Variants in SIN3B observed in about 807,000 individuals in gnomAD.
SIN3B encodes SIN3 transcription regulator family member B.
A neutral mutation model predicts 120.2 loss-of-function variants in SIN3B; 19 were observed. That is an observed-to-expected ratio of 0.16 (90% CI 0.11 to 0.23). The LOEUF is 0.23. SIN3B is among the 10% of genes least tolerant of loss of function. The probability of loss-of-function intolerance (pLI) is 1.00; values close to 1 mark genes in which losing one functional copy is unlikely to be tolerated. For missense variants in SIN3B, 1,073 were observed against 1,573.0 expected, an observed-to-expected ratio of 0.68 and a Z score of 5.38; for synonymous variants, 654 against 653.2, an observed-to-expected ratio of 1.00 and a Z score of -0.02.
At chr19:16,857,671 T>G (rs1971635239) in intron 8 of SIN3B, among the ~76,000 whole-genome samples, 1 of 151,984 alleles carries the variant, frequency 6.6e-6, no homozygotes, top group South Asian at 2.1e-4. Flanking sequence ...ACCACCCACA[T>G]CAAAAATAGA....
At position 16,865,592 on chromosome 19, in the gene SIN3B, G is replaced by T; in HGVS notation, c.1566G>T (p.Glu522Asp). Residue 522 changes from glutamate to aspartate, a missense_variant, in exon 11 of 19, where the codon GAG becomes GAT. Transcript: ENST00000248054. Reference protein sequence around the residue: ...IYRIYGDKAPEIIESLKKNPV... With the variant: ...IYRIYGDKAPDIIESLKKNPV... ...GCATCTATGGCGACAAGGCCCCGGA[G>T]ATCATCGAGAGCCTCAAGAAGAACC... 1 of 1,612,918 alleles carries T rather than the reference G, an allele frequency of 6.2e-7. No individual in the cohort carries two copies. The highest frequency in any genetic ancestry group is 1.1e-5 in the South Asian group (1 of 90,946).
chr19:16,857,515 AT>A (rs749138554), intron 8 of SIN3B, among the ~76,000 whole-genome samples: 127 of 62,214 alleles, frequency 2.0e-3, no homozygotes, highest in South Asian at 3.2e-3. Flanking sequence ...CTTAAAAAAA[AT>A]ATGTGTGTGT....
Position 16,866,469 on chromosome 19 carries a change from C to T in SIN3B, c.1719C>T (p.Asp573=), listed in dbSNP as rs568675026. The T allele has an allele frequency of 1.9e-6, 3 of 1,613,950 alleles. No homozygotes were observed. In the East Asian group the frequency reaches 6.7e-5, roughly 36 times the overall value. ...QYEKAYLKSL[D]HQAVNFKQND... is the part of the protein sequence containing the mutation. ...AGAAGGCGTACCTCAAGTCCCTTGA[C>T]CACCAGGCTGTGAACTTCAAGCAGA... is the stretch of plus-strand genomic sequence containing the variant. Residue 573 remains aspartate (D), a synonymous_variant, in exon 12 of 19, where the codon GAC becomes GAT. Transcript: ENST00000248054.
chr19:16,830,119 G>A (rs138307606), intron 2 of SIN3B, among the ~76,000 whole-genome samples: 2 of 152,230 alleles, frequency 1.3e-5, no homozygotes, highest in South Asian at 4.1e-4. Context: ...ACAGGGATCT[G>A]GGGGGAGGCA....
intron 4 of SIN3B, among the ~76,000 whole-genome samples, chr19:16,846,137 TC>T (rs1971475935): frequency 6.6e-6 from 1 of 152,262 alleles, no homozygotes; most frequent in Non-Finnish European, 1.5e-5. Context: ...ATAGATCATT[TC>T]TATTTATTAT....
At chr19:16,853,266 G>A (rs2144597169) in intron 7 of SIN3B, 108 bp downstream of exon 7, 2 of 1,005,144 alleles carry the variant, frequency 2.0e-6, no homozygotes, top group Non-Finnish European at 3.1e-6. Flanking sequence ...TAGGGTGGGT[G>A]CAGTCTGAGG....
chr19:16,830,898 G>A (rs747799572), intron 2 of SIN3B, among the ~76,000 whole-genome samples: 3 of 152,158 alleles, frequency 2.0e-5, no homozygotes, highest in South Asian at 2.1e-4. Flanking sequence ...CAGGCCTTGC[G>A]GTTGGCTCTC....
chr19:16,851,021 G>T (rs1370627585), intron 5 of SIN3B, among the ~76,000 whole-genome samples: 2 of 152,216 alleles, frequency 1.3e-5, no homozygotes, highest in African/African-American at 4.8e-5. Context: ...CTTGCTGCCT[G>T]TTTCTCTGTC....
chr19:16,871,129 C>T, intron 13 of SIN3B, 100 bp from the exon 14 acceptor site: 6 of 1,473,022 alleles, frequency 4.1e-6, no homozygotes, highest in Non-Finnish European at 5.7e-6. Flanking sequence ...GCTGTTGGGC[C>T]CCATGGGGGC....
intron 3 of SIN3B, among the ~76,000 whole-genome samples, chr19:16,840,528 G>A (rs953952791): frequency 6.6e-6 from 1 of 152,192 alleles, no homozygotes; most frequent in African/African-American, 2.4e-5. Context: ...TGAGCTGATG[G>A]ATGCACTCAC....
chr19:16,843,785 A>C (rs1360459834), intron 4 of SIN3B, among the ~76,000 whole-genome samples: 17 of 152,224 alleles, frequency 1.1e-4, no homozygotes. Flanking sequence ...TTGAGAATGC[A>C]GACACCTGGC....
At chr19:16,848,857 C>T (rs1433582814) in intron 5 of SIN3B, among the ~76,000 whole-genome samples, 1 of 152,180 alleles carries the variant, frequency 6.6e-6, no homozygotes, top group Admixed American at 6.5e-5. Context: ...AGGTTGGTCT[C>T]AGACTCCTGG....
intron 7 of SIN3B, 63 bp from the exon 8 acceptor site, chr19:16,854,080 T>C: frequency 7.8e-7 from 1 of 1,283,774 alleles, no homozygotes. Context: ...GACCTACAAG[T>C]GAGCCAGGCC....
chr19:16,878,014 G>A (rs956462106), intron 17 of SIN3B, among the ~76,000 whole-genome samples, 169 bp from the exon 18 acceptor site: 1 of 152,164 alleles, frequency 6.6e-6, no homozygotes, highest in African/African-American at 2.4e-5. Context: ...GGGGCTGCTG[G>A]TGGGTGTTCA....
intron 5 of SIN3B, among the ~76,000 whole-genome samples, chr19:16,849,322 C>T (rs947277859): frequency 6.6e-5 from 10 of 152,218 alleles, no homozygotes; most frequent in East Asian, 1.9e-4. Context: ...TAAAGATTCA[C>T]CTCTGCCCTA....
At chr19:16,829,648 C>T (rs1971252077) in intron 1 of SIN3B, 108 bp downstream of exon 1, 1 of 1,246,132 alleles carries the variant, frequency 8.0e-7, no homozygotes. Flanking sequence ...GGCCTCCCCT[C>T]TGCACTGCCC....
chr19:16,857,999 C>G (rs1314934883), intron 8 of SIN3B, among the ~76,000 whole-genome samples: 3 of 152,172 alleles, frequency 2.0e-5, no homozygotes, highest in Non-Finnish European at 4.4e-5. Flanking sequence ...GCCTCAGCCT[C>G]TCGAGTAGCT....
At chr19:16,873,940 G>A (rs2051547130) in intron 14 of SIN3B, among the ~76,000 whole-genome samples, 1 of 152,234 alleles carries the variant, frequency 6.6e-6, no homozygotes. Context: ...TGTGTGCCAG[G>A]TACTGTCTGA....
At chr19:16,872,551 C>T (rs1040081145) in intron 14 of SIN3B, 7 of 152,044 alleles carry the variant, frequency 4.6e-5, no homozygotes, top group African/African-American at 1.5e-4. Context: ...TCAAGCAATT[C>T]TCCTGCCTCA....
Sources: allele counts gnomAD v4.1 joint callset (sites outside exome capture counted in the v4.1 genomes callset), GRCh38; gene constraint gnomAD v4.1.1; transcripts MANE v1.5; gene names NCBI Gene and HGNC (gene_info 2026-07-23, HGNC 2026-07-21).